The following LRRK1 variants were observed in gnomAD, a reference collection of about 807,000 sequenced individuals.
The protein encoded by LRRK1 is leucine-rich repeat serine/threonine-protein kinase 1.
A neutral mutation model predicts 209.1 loss-of-function variants in LRRK1; 113 were observed. That is an observed-to-expected ratio of 0.54 (90% CI 0.46 to 0.63). The LOEUF (loss-of-function observed/expected upper bound fraction) is 0.63. Among genes scored for constraint, LRRK1 ranks in the 30% least tolerant of loss-of-function variants. The probability of loss-of-function intolerance (pLI) is 0.00; values close to 1 mark genes in which losing one functional copy is unlikely to be tolerated. For missense variants in LRRK1, 2,284 were observed against 2,632.2 expected, an observed-to-expected ratio of 0.87 and a Z score of 2.89; for synonymous variants, 1,144 against 1,099.7, an observed-to-expected ratio of 1.04 and a Z score of -0.80.
rs78587240 is a variant in LRRK1 at position 101,049,657 on chromosome 15, G to A, written c.3313G>A (p.Asp1105Asn). Residue 1105 changes from aspartate (D) to asparagine (N), a missense_variant, in exon 23 of 34, where the codon GAC becomes AAC. Physicochemically the swap from Asp to Asn is conservative, Grantham distance 23. Transcript: ENST00000388948. ...TCTGGATTGCAGTGTGGAATCTTCC[G>A]ACGTGAACTGGAAAAAGAAGAAAAG... ...DGGYLSVESS[D>N]VNWKKKKSGG... is the part of the protein sequence containing the mutation. 1.1e-4 allele frequency: 174 copies of A among 1,613,952 alleles called. 5 individuals are homozygous for A. The South Asian group carries it at 1.7e-3, about 16-fold the overall frequency.
intron 2 of LRRK1, among the ~76,000 whole-genome samples, chr15:100,960,039 T>A (rs1017674): frequency 0.22 from 33,228 of 152,116 alleles, 3,934 homozygotes; most frequent in East Asian, 0.5. Context: ...GCATTTTTTT[T>A]AATATAACAA....
At chr15:100,996,572 A>C (rs189861537) in intron 6 of LRRK1, among the ~76,000 whole-genome samples, 6 of 152,320 alleles carry the variant, frequency 3.9e-5, no homozygotes, top group African/African-American at 1.4e-4. Context: ...CAGGTTCCAA[A>C]TACTGAAGCT....
At position 100,919,639 on chromosome 15, in the gene LRRK1, C is replaced by T. The variant is rs1188148644; in HGVS notation, c.-123+188C>T. ...TGCGCAGGGGCCGCGGCCCGAGGGGCGCGGAGGGCGTGTGGGGCGACCCCG... is the reference window on the plus strand; with the variant it reads ...TGCGCAGGGGCCGCGGCCCGAGGGGTGCGGAGGGCGTGTGGGGCGACCCCG... On this transcript the variant is annotated intron_variant, in intron 1 of 33. Transcript: ENST00000388948. The surrounding 1 kb of genome is among the most constrained non-coding windows in gnomAD (Gnocchi z 5.8). Among the ~76,000 whole-genome samples, 1 of 150,832 alleles carries T rather than the reference C, an allele frequency of 6.6e-6. No homozygotes were observed. The highest frequency in any genetic ancestry group is 2.4e-5 in the African/African-American group (1 of 41,248).
chr15:100,987,329 A>G (rs891146330), intron 4 of LRRK1, among the ~76,000 whole-genome samples: 1 of 152,170 alleles, frequency 6.6e-6, no homozygotes, highest in Non-Finnish European at 1.5e-5. Context: ...GTTATGATGC[A>G]TTTGGGAAGT....
In LRRK1 at chr15:101,028,428, G is replaced by A. The variant is rs546948210; in HGVS notation, c.2687-528G>A. ...TCTCACGCTTAGGGAACTACACAGC[G>A]TTTCAGCACTTCACTAGGGACCATT... is the stretch of plus-strand genomic sequence containing the variant. On this transcript the variant is annotated intron_variant, in intron 19 of 33. Coordinates refer to ENST00000388948, the MANE Select transcript of LRRK1 (RefSeq NM_024652.6). 9.2e-5 allele frequency among the ~76,000 whole-genome samples: 14 copies of A among 152,316 alleles called. No homozygotes were observed. The South Asian group carries it at 1.4e-3, about 16-fold the overall frequency.
In LRRK1 at chr15:100,972,363, A is replaced by AGAGTGT. The variant is rs1176201849; in HGVS notation, c.98-1440_98-1439insAGTGTG. 9.9e-3 allele frequency among the ~76,000 whole-genome samples: 978 copies of AGAGTGT among 98,428 alleles called. 7 individuals are homozygous for AGAGTGT. Among genetic ancestry groups the AGAGTGT allele is most frequent in the African/African-American group, 0.035 (703 of 20,176 alleles). The allele number at this position is 98,428 out of a possible 152,430, so 64.6% of individuals were successfully genotyped here. A position where few individuals can be genotyped will look rare whatever the true frequency, so the allele number is the denominator to read the frequency against. ...GAGAGAGAGAGAGAGAGAGAGAGAG[A>AGAGTGT]GTGTGTGTGTGTGTGTGTGTGTGTG... On this transcript the variant is annotated intron_variant, in intron 2 of 33. Transcript: ENST00000388948.
intron 6 of LRRK1, among the ~76,000 whole-genome samples, chr15:100,994,221 A>G (rs1371676734): frequency 6.6e-6 from 1 of 152,234 alleles, no homozygotes; most frequent in African/African-American, 2.4e-5. Context: ...AAGGATGACA[A>G]ATACTAAACA....
chr15:101,059,665 C>T (rs2924848), intron 29 of LRRK1, among the ~76,000 whole-genome samples: 89,252 of 151,942 alleles, frequency 0.59, 26,522 homozygotes, highest in East Asian at 0.83. Flanking sequence ...AGTTCTGAAT[C>T]GATTGGATAG....
rs1207616835 is a variant in LRRK1, at chr15:101,076,663, A to G, written c.*7815A>G. 2 of 152,202 alleles carry G rather than the reference A, an allele frequency of 1.3e-5. No individual in the cohort carries two copies. Among genetic ancestry groups the G allele is most frequent in the Non-Finnish European group, 2.9e-5 (2 of 68,132 alleles). 9.4% of individuals were successfully genotyped at this position (152,202 alleles called of 1,614,324 possible). A position where few individuals can be genotyped will look rare whatever the true frequency, so the allele number is the denominator to read the frequency against. ...TCTATCCTCAAGGAAATAACTTCTC[A>G]GTGTTCCATCTGCTATTCTACTGCT... is the stretch of plus-strand genomic sequence containing the variant. On this transcript the variant is annotated 3_prime_UTR_variant, in exon 34 of 34. Transcript: ENST00000388948.
chr15:101,067,172 G>C (rs966621841), intron 33 of LRRK1: 3 of 438,736 alleles, frequency 6.8e-6, no homozygotes, highest in African/African-American at 6.0e-5. Context: ...CCAAGCCTGG[G>C]GTCTCAGCTC....
intron 6 of LRRK1, among the ~76,000 whole-genome samples, chr15:100,994,288 A>G (rs1596248293): frequency 1.3e-5 from 2 of 152,342 alleles, no homozygotes; most frequent in South Asian, 4.1e-4. Context: ...TAGGTTTCAC[A>G]TAGACGAATG....
At chr15:100,965,804 C>A (rs975091810) in intron 2 of LRRK1, among the ~76,000 whole-genome samples, 4 of 152,078 alleles carry the variant, frequency 2.6e-5, no homozygotes, top group African/African-American at 9.7e-5. Context: ...AAGTAAGATG[C>A]CTGAAAATTT....
chr15:101,046,312 C>A (rs1052872653), intron 21 of LRRK1, among the ~76,000 whole-genome samples, 160 bp downstream of exon 21: 2 of 152,208 alleles, frequency 1.3e-5, no homozygotes, highest in Non-Finnish European at 2.9e-5. Context: ...GTGGCATGGG[C>A]TGCTGGCCAA....
At chr15:100,945,733 T>G (rs1272747805) in intron 2 of LRRK1, among the ~76,000 whole-genome samples, 1 of 152,134 alleles carries the variant, frequency 6.6e-6, no homozygotes, top group Non-Finnish European at 1.5e-5. Flanking sequence ...TCTCAGGTGA[T>G]CCACCTGCCT....
intron 2 of LRRK1, among the ~76,000 whole-genome samples, chr15:100,963,302 A>AGATAT (rs1441272496): frequency 2.0e-5 from 3 of 152,142 alleles, no homozygotes; most frequent in Non-Finnish European, 4.4e-5. Flanking sequence ...ATTCTGAAGC[A>AGATAT]CCAGCAGGTA....
chr15:101,025,944 C>T, intron 16 of LRRK1, 21 bp from the exon 17 acceptor site: 13 of 1,613,382 alleles, frequency 8.1e-6, no homozygotes, highest in Non-Finnish European at 1.1e-5. Flanking sequence ...CAGTACTCAG[C>T]CGTGGGGTTC....
chr15:101,049,694 A>G lies in LRRK1; in HGVS notation c.3350A>G (p.Lys1117Arg). ...NWKKKKSGGMKIVCQSEVRDF... is the reference protein window; with the variant it reads ...NWKKKKSGGMRIVCQSEVRDF... ...AAAAAGAAGAAAAGCGGAGGAATGA[A>G]AATTGTTTGCCAATCAGAAGTGAGG... The change falls in exon 23 of 34, where the codon AAA (lysine) becomes AGA (arginine). Residue 1117 changes from lysine (K) to arginine (R), a missense_variant. Physicochemically the swap from Lys to Arg is conservative, Grantham distance 26. Coordinates refer to ENST00000388948, the MANE Select transcript of LRRK1 (RefSeq NM_024652.6). The G allele has an allele frequency of 6.2e-7, 1 of 1,614,064 alleles. No homozygotes were observed. Among genetic ancestry groups the G allele is most frequent in the Non-Finnish European group, 8.5e-7 (1 of 1,179,964 alleles).
chr15:101,020,938 A>G (rs2033754028), intron 12 of LRRK1, 115 bp from the exon 13 acceptor site: 1 of 1,129,296 alleles, frequency 8.9e-7, no homozygotes, highest in South Asian at 1.4e-5. Context: ...TTGTTCTGAT[A>G]GGCTTGCCAA....
chr15:100,965,939 G>T (rs530629338), intron 2 of LRRK1, among the ~76,000 whole-genome samples: 1 of 152,208 alleles, frequency 6.6e-6, no homozygotes, highest in South Asian at 2.1e-4. Flanking sequence ...ACTAGCTCTA[G>T]CTACTTATTT....
Sources: allele counts gnomAD v4.1 joint callset (sites outside exome capture counted in the v4.1 genomes callset), GRCh38; gene constraint gnomAD v4.1.1; non-coding constraint Gnocchi (gnomAD v3.1); transcripts MANE v1.5; gene names NCBI Gene and HGNC (gene_info 2026-07-23, HGNC 2026-07-21).